Variants in LYRM1 observed in about 807,000 individuals in gnomAD.
The protein encoded by LYRM1 is LYR motif containing 1.
Under a neutral mutation model 14.9 loss-of-function variants are expected in LYRM1, and 14 were observed. That is an observed-to-expected ratio of 0.94 (90% CI 0.62 to 1.47). LYRM1 has a LOEUF of 1.47. LYRM1 is among the 40% of genes most tolerant of loss of function. LYRM1 has a pLI of 0.00. For missense variants in LYRM1, 153 were observed against 149.9 expected (o/e 1.02, Z -0.11); for synonymous variants, 43 against 56.2 (o/e 0.77, Z 1.05).
rs968054630 is a variant in LYRM1 at position 20,900,784 on chromosome 16, C to G, written c.-106C>G. Reference sequence around the variant, plus strand: ...GTCCGGCCTGGCCTACTGGACCAGCCTGTGCTCGGTCGGCCACGGCTCTGC... The same window carrying G: ...GTCCGGCCTGGCCTACTGGACCAGCGTGTGCTCGGTCGGCCACGGCTCTGC... On this transcript the variant is annotated 5_prime_UTR_variant, in exon 1 of 4. Coordinates refer to ENST00000567954, the MANE Select transcript of LYRM1 (RefSeq NM_001128302.3). The G allele has an allele frequency of 1.3e-5, 2 of 152,428 alleles. No individual in the cohort carries two copies. The highest frequency in any genetic ancestry group is 4.8e-5 in the African/African-American group (2 of 41,448). The allele number at this position is 152,428 out of a possible 1,614,324, so 9.4% of individuals were successfully genotyped here.
intron 1 of LYRM1, among the ~76,000 whole-genome samples, chr16:20,905,384 C>T (rs944254292): frequency 2.6e-5 from 4 of 152,162 alleles, no homozygotes; most frequent in South Asian, 2.1e-4. Flanking sequence ...GCCTTGTCCG[C>T]CCAGAGCCCA....
At chr16:20,916,633 C>T (rs556031349) in intron 2 of LYRM1, among the ~76,000 whole-genome samples, 2 of 152,322 alleles carry the variant, frequency 1.3e-5, no homozygotes, top group South Asian at 4.1e-4. Flanking sequence ...TCTGAATCCC[C>T]AGCTTTGGCC....
At chr16:20,922,872 C>CCAGAAGAAAGCTGGTGGTATT (rs1364373693) in intron 3 of LYRM1, among the ~76,000 whole-genome samples, 49 of 152,036 alleles carry the variant, frequency 3.2e-4, no homozygotes, top group African/African-American at 1.1e-3. Flanking sequence ...AGCTGGAGAC[C>CCAGAAGAAAGCTGGTGGTATT]CAGAAGAAAG....
At chr16:20,905,204 CAT>C (rs1596691097) in intron 1 of LYRM1, among the ~76,000 whole-genome samples, 1 of 152,158 alleles carries the variant, frequency 6.6e-6, no homozygotes, top group East Asian at 1.9e-4. Context: ...ATTCAGGTAA[CAT>C]TTGCCTTTGT....
rs747521946 is a variant in LYRM1 at position 20,920,973 on chromosome 16, CAAAAT to C, written c.252+763_252+767del. ...TTAATACATTCAGAAAGTTAAGAAA[CAAAAT>C]AAATTTCAAATTTATATGAATTTAA... On this transcript the variant is annotated intron_variant, in intron 3 of 3. Transcript: ENST00000567954. 1.7e-3 allele frequency among the ~76,000 whole-genome samples: 250 copies of C among 150,340 alleles called. 1 individual carries two copies. Among genetic ancestry groups the C allele is most frequent in the Non-Finnish European group, 2.8e-3 (189 of 67,474 alleles).
chr16:20,902,360 A>T (rs577431485), intron 1 of LYRM1: 2 of 152,388 alleles, frequency 1.3e-5, no homozygotes, highest in East Asian at 1.9e-4. Context: ...TAGATATACA[A>T]GTCGGGGAAA....
intron 3 of LYRM1, among the ~76,000 whole-genome samples, chr16:20,922,384 T>C (rs898952103): frequency 2.0e-5 from 3 of 152,192 alleles, no homozygotes; most frequent in African/African-American, 4.8e-5. Flanking sequence ...AATGAAGATA[T>C]GTACATCTAG....
In LYRM1 at chr16:20,924,081, CCAGTATAT is replaced by C. The variant is rs1229734539; in HGVS notation, c.336_343del (p.Val113GlnfsTer4). On this transcript the variant is annotated frameshift_variant, in exon 4 of 4. Coordinates refer to ENST00000567954, the MANE Select transcript of LYRM1 (RefSeq NM_001128302.3). LOFTEE classifies it high-confidence loss of function. Reference sequence around the variant, plus strand: ...AGAGAAACTGAGGAAACTTTCCAAACCAGTATATCTCAGATCTCATGATGAAGTTTCCT... The same window carrying C: ...AGAGAAACTGAGGAAACTTTCCAAACCTCAGATCTCATGATGAAGTTTCCT... 1 of 1,611,360 alleles carries C rather than the reference CCAGTATAT, an allele frequency of 6.2e-7. No individual in the cohort carries two copies. The highest frequency in any genetic ancestry group is 8.5e-7 in the Non-Finnish European group (1 of 1,177,882).
At chr16:20,913,684 T>C (rs1225295126) in intron 1 of LYRM1, among the ~76,000 whole-genome samples, 1 of 152,170 alleles carries the variant, frequency 6.6e-6, no homozygotes, top group Non-Finnish European at 1.5e-5. Context: ...TTTTGAAAAA[T>C]ACAATTAGCT....
chr16:20,917,008 A>G (rs1479610294), intron 2 of LYRM1, among the ~76,000 whole-genome samples: 6 of 151,572 alleles, frequency 4.0e-5, no homozygotes, highest in Admixed American at 3.9e-4. Context: ...AGTTGAGCCC[A>G]GGAGTTCGAG....
At chr16:20,910,289 G>T (rs1295330678) in intron 1 of LYRM1, among the ~76,000 whole-genome samples, 10 of 152,198 alleles carry the variant, frequency 6.6e-5, no homozygotes, top group Non-Finnish European at 1.5e-4. Flanking sequence ...TGGTAGGCTA[G>T]ATTTAATAGG....
intron 1 of LYRM1, among the ~76,000 whole-genome samples, chr16:20,906,759 C>T (rs1006117772): frequency 6.6e-6 from 1 of 152,172 alleles, no homozygotes; most frequent in Non-Finnish European, 1.5e-5. Flanking sequence ...TTTCCAAAGG[C>T]AGAGGAACTG....
intron 3 of LYRM1, chr16:20,921,735 T>G (rs924450418): frequency 1.3e-5 from 2 of 151,028 alleles, no homozygotes; most frequent in Non-Finnish European, 3.0e-5. Context: ...AAAAAAAAAT[T>G]TCTCATTGTG....
intron 1 of LYRM1, among the ~76,000 whole-genome samples, chr16:20,907,722 C>G (rs1174143435): frequency 6.6e-6 from 1 of 152,140 alleles, no homozygotes; most frequent in Non-Finnish European, 1.5e-5. Flanking sequence ...GTTCCCTCTA[C>G]TTGCACCAGC....
intron 3 of LYRM1, 134 bp downstream of exon 3, chr16:20,920,348 C>A: frequency 1.4e-6 from 1 of 721,272 alleles, no homozygotes; most frequent in Non-Finnish European, 2.5e-6. Flanking sequence ...TGGAAATAAG[C>A]TATCATTGCA....
rs1022458557 is a variant in LYRM1 at position 20,924,234 on chromosome 16, A to C, written c.*118A>C. ...TCAAATGTCTTCTTAAAACCTCCAC[A>C]ATTGATTCTCCCCCTGTGATGTAAA... On this transcript the variant is annotated 3_prime_UTR_variant, in exon 4 of 4. Transcript: ENST00000567954. 70 of 619,040 alleles carry C rather than the reference A, an allele frequency of 1.1e-4. No individual in the cohort carries two copies. Among genetic ancestry groups the C allele is most frequent in the Non-Finnish European group, 1.9e-4 (65 of 343,966 alleles). 38.3% of individuals were successfully genotyped at this position (619,040 alleles called of 1,614,324 possible).
intron 3 of LYRM1, 108 bp downstream of exon 3, chr16:20,920,322 G>T (rs1380679056): frequency 1.2e-6 from 1 of 814,294 alleles, no homozygotes; most frequent in Non-Finnish European, 2.2e-6. Flanking sequence ...GCCCAGAGCT[G>T]CTGTGGGAGG....
At chr16:20,919,448 A>C (rs1363835294) in intron 2 of LYRM1, among the ~76,000 whole-genome samples, 1 of 152,204 alleles carries the variant, frequency 6.6e-6, no homozygotes, top group Non-Finnish European at 1.5e-5. Context: ...TATCTGTGAG[A>C]ATTAAAAATG....
chr16:20,910,578 G>C (rs185241488), intron 1 of LYRM1, among the ~76,000 whole-genome samples: 1 of 152,306 alleles, frequency 6.6e-6, no homozygotes, highest in Admixed American at 6.5e-5. Context: ...GATTCTTAGA[G>C]TCATAGAAGG....
Sources: gnomAD v4.1 joint callset for allele counts (sites outside exome capture counted in the v4.1 genomes callset) on GRCh38, gnomAD v4.1.1 for gene constraint, MANE v1.5 for transcripts, NCBI Gene and HGNC (gene_info 2026-07-23, HGNC 2026-07-21) for gene names.